Variants in GABRB3 observed in about 807,000 individuals in gnomAD.
GABRB3 encodes gamma-aminobutyric acid type A receptor subunit beta3.
GABRB3 carries 14 observed loss-of-function variants against 52.1 expected under a neutral mutation model. That is an observed-to-expected ratio of 0.27 (90% confidence interval 0.18 to 0.42). The LOEUF is 0.42. Among genes scored for constraint, GABRB3 ranks in the 10% least tolerant of loss-of-function variants. The probability of loss-of-function intolerance (pLI) is 1.00; values close to 1 mark genes in which losing one functional copy is unlikely to be tolerated. For synonymous variants in GABRB3, 260 were observed against 232.3 expected (o/e 1.12, Z -1.08); for missense variants, 307 against 609.1 (o/e 0.50, Z 5.22).
intron 3 of GABRB3, among the ~76,000 whole-genome samples, chr15:26,764,382 T>C (rs1173232772): frequency 2.6e-5 from 4 of 151,852 alleles, no homozygotes; most frequent in African/African-American, 7.3e-5. Flanking sequence ...AGAACTGTGA[T>C]GTTCTCAGAT....
At chr15:26,651,694 C>T (rs1038431132) in intron 3 of GABRB3, among the ~76,000 whole-genome samples, 1 of 152,206 alleles carries the variant, frequency 6.6e-6, no homozygotes, top group African/African-American at 2.4e-5. Flanking sequence ...TCACACCCTA[C>T]AAACCATAAC....
At chr15:26,669,908 G>A (rs1232853155) in intron 3 of GABRB3, among the ~76,000 whole-genome samples, 1 of 152,190 alleles carries the variant, frequency 6.6e-6, no homozygotes, top group East Asian at 1.9e-4. Context: ...AGGATTGGGT[G>A]CCACTGCCTT....
intron 3 of GABRB3, among the ~76,000 whole-genome samples, chr15:26,674,871 C>G (rs896685291): frequency 3.9e-5 from 6 of 152,200 alleles, no homozygotes; most frequent in Non-Finnish European, 8.8e-5. Flanking sequence ...ACAGGACACT[C>G]CTGCATAAAT....
chr15:26,562,475 C>G (rs1192542950), intron 7 of GABRB3, among the ~76,000 whole-genome samples: 2 of 152,296 alleles, frequency 1.3e-5, no homozygotes, highest in South Asian at 2.1e-4. Flanking sequence ...ACCCAAAACC[C>G]ACATGACATC....
chr15:26,691,001 C>T (rs757614851), intron 3 of GABRB3, among the ~76,000 whole-genome samples: 17 of 151,640 alleles, frequency 1.1e-4, no homozygotes, highest in Non-Finnish European at 2.1e-4. Context: ...CCTCCCCACT[C>T]ACTCCCCCTC....
intron 4 of GABRB3, among the ~76,000 whole-genome samples, chr15:26,589,356 C>T (rs1891108762): frequency 6.6e-6 from 1 of 152,142 alleles, no homozygotes; most frequent in South Asian, 2.1e-4. Flanking sequence ...AAAAGTGCTC[C>T]TTGTCAGTGT....
rs180730177 is a variant in GABRB3, at chr15:26,685,328, C to T, written c.241-63794G>A. Among the ~76,000 whole-genome samples, 25 of 152,318 alleles carry T rather than the reference C, an allele frequency of 1.6e-4. No homozygotes were observed. In the East Asian group the frequency reaches 4.3e-3, roughly 26 times the overall value. On this transcript the variant is annotated intron_variant, in intron 3 of 8. Coordinates refer to ENST00000311550, the MANE Select transcript of GABRB3 (RefSeq NM_000814.6). ...GCTGAGGAATCTTGCAGCACAGAGG[C>T]TAATGCATCCCCCTATGGGATGGAG...
chr15:26,677,632 G>A (rs868726848), intron 3 of GABRB3, among the ~76,000 whole-genome samples: 2 of 152,198 alleles, frequency 1.3e-5, no homozygotes, highest in South Asian at 4.1e-4. Flanking sequence ...AAAGGGAAAA[G>A]AAAGACAATT....
At chr15:26,610,375 C>A (rs1041430074) in intron 4 of GABRB3, among the ~76,000 whole-genome samples, 17 of 152,146 alleles carry the variant, frequency 1.1e-4, no homozygotes, top group Admixed American at 1.1e-3. Context: ...GGCTTGTAGC[C>A]AGACCTAGAC....
intron 3 of GABRB3, among the ~76,000 whole-genome samples, chr15:26,765,122 T>C (rs1438620984): frequency 3.8e-5 from 2 of 52,756 alleles, no homozygotes; most frequent in Non-Finnish European, 6.4e-5. Context: ...AGAGCGAGAC[T>C]CCGACTCAAA....
At chr15:26,562,772 C>A (rs960460236) in intron 7 of GABRB3, among the ~76,000 whole-genome samples, 12 of 152,210 alleles carry the variant, frequency 7.9e-5, no homozygotes, top group Admixed American at 2.6e-4. Context: ...ATCTCCAACA[C>A]AAGCGCTCCC....
At chr15:26,736,453 A>C (rs1193431813) in intron 3 of GABRB3, among the ~76,000 whole-genome samples, 1 of 152,248 alleles carries the variant, frequency 6.6e-6, no homozygotes, top group East Asian at 1.9e-4. Context: ...AAATAATAAA[A>C]CATGACAGAA....
intron 3 of GABRB3, among the ~76,000 whole-genome samples, chr15:26,721,150 G>T (rs964901166): frequency 1.3e-5 from 2 of 152,162 alleles, no homozygotes; most frequent in Non-Finnish European, 2.9e-5. Flanking sequence ...AGGTGCAGTA[G>T]GTAGGGACAG....
intron 3 of GABRB3, among the ~76,000 whole-genome samples, chr15:26,652,767 A>C (rs746162409): frequency 1.3e-5 from 2 of 152,144 alleles, no homozygotes; most frequent in Non-Finnish European, 2.9e-5. Flanking sequence ...GGGTAAATCT[A>C]TATTTTTGTA....
chr15:26,757,944 C>G (rs1197739421), intron 3 of GABRB3, among the ~76,000 whole-genome samples: 1 of 152,172 alleles, frequency 6.6e-6, no homozygotes, highest in Non-Finnish European at 1.5e-5. Flanking sequence ...CAAAACCAGT[C>G]CCTTACAAGC....
chr15:26,606,524 T>C (rs952653528), intron 4 of GABRB3, among the ~76,000 whole-genome samples: 6 of 152,138 alleles, frequency 3.9e-5, no homozygotes, highest in African/African-American at 1.2e-4. Context: ...AAGCTATATA[T>C]GATAAGCCCA....
intron 3 of GABRB3, among the ~76,000 whole-genome samples, chr15:26,670,732 T>C (rs1887873784): frequency 6.6e-6 from 1 of 152,230 alleles, no homozygotes; most frequent in African/African-American, 2.4e-5. Context: ...ATGAGATTCA[T>C]ATATGCATAC....
At chr15:26,588,152 G>A (rs1221942005) in intron 4 of GABRB3, among the ~76,000 whole-genome samples, 3 of 152,116 alleles carry the variant, frequency 2.0e-5, no homozygotes, top group Non-Finnish European at 4.4e-5. Flanking sequence ...TTTCTTTACA[G>A]TCATACTTTG....
intron 8 of GABRB3, among the ~76,000 whole-genome samples, chr15:26,558,789 GA>G (rs1184076298): frequency 6.6e-6 from 1 of 151,206 alleles, no homozygotes; most frequent in African/African-American, 2.4e-5. Context: ...TGTGAGCCAA[GA>G]TCACGCCATC....
Sources: gnomAD v4.1 joint callset for allele counts (sites outside exome capture counted in the v4.1 genomes callset) on GRCh38, gnomAD v4.1.1 for gene constraint, MANE v1.5 for transcripts, NCBI Gene and HGNC (gene_info 2026-07-23, HGNC 2026-07-21) for gene names.